Variants in FHL1 observed in about 807,000 individuals in gnomAD.
FHL1 encodes the protein four and a half LIM domains protein 1.
Under a neutral mutation model 20.3 loss-of-function variants are expected in FHL1, and 1 was observed. The observed-to-expected ratio is 0.05, with a 90% CI of 0.02 to 0.23. The LOEUF (loss-of-function observed/expected upper bound fraction) is 0.23. FHL1 is among the 10% of genes least tolerant of loss of function. The probability of loss-of-function intolerance (pLI) is 1.00; values close to 1 mark genes in which losing one functional copy is unlikely to be tolerated. For missense variants in FHL1, 177 were observed against 234.0 expected, an observed-to-expected ratio of 0.76 and a Z score of 1.59; for synonymous variants, 82 against 88.9, an observed-to-expected ratio of 0.92 and a Z score of 0.44.
intron 2 of FHL1, among the ~76,000 whole-genome samples, chrX:136,176,162 T>C (rs5929736): frequency 8.9e-6 from 1 of 112,398 alleles, no homozygotes; most frequent in Non-Finnish European, 1.9e-5. Flanking sequence ...TTTTAATGAA[T>C]GTCTAGCAGT....
At chrX:136,201,569 C>T (rs1330577107) in intron 1 of FHL1, among the ~76,000 whole-genome samples, 1 of 111,456 alleles carries the variant, frequency 9.0e-6, no homozygotes, top group Non-Finnish European at 1.9e-5. Flanking sequence ...GCATCAGTTT[C>T]AGGTGTTTCT....
At chrX:136,147,823 G>T (rs1156976275) in intron 1 of FHL1, 1 of 108,133 alleles carries the variant, frequency 9.2e-6, no homozygotes, top group East Asian at 3.0e-4. Flanking sequence ...GGGGCCAGGG[G>T]CCGTCCCGGG....
chrX:136,185,997 A>G (rs972957459), intron 2 of FHL1, among the ~76,000 whole-genome samples: 5 of 111,687 alleles, frequency 4.5e-5, no homozygotes, highest in African/African-American at 1.6e-4. Flanking sequence ...TTTTTTTTAA[A>G]TAGATAAGGA....
intron 2 of FHL1, among the ~76,000 whole-genome samples, chrX:136,191,405 A>G (rs759322806): frequency 6.3e-5 from 7 of 111,658 alleles, no homozygotes; most frequent in Non-Finnish European, 1.3e-4. Flanking sequence ...ATCAAAATAG[A>G]CAATGCTATT....
Position 136,197,139 on chromosome X carries a change from A to G in FHL1, c.22+5A>G. Reference sequence around the variant, plus strand: ...TGGCTTCCCATAGACACTCAGGTAAAACTTCATGCTCTTTATCTTATATTG... The same window carrying G: ...TGGCTTCCCATAGACACTCAGGTAAGACTTCATGCTCTTTATCTTATATTG... On this transcript the variant is annotated splice_donor_5th_base_variant and intron_variant, in intron 1 of 5. Transcript: ENST00000370683. The G allele has an allele frequency of 1.7e-6, 2 of 1,206,406 alleles. No individual in the cohort carries two copies. The highest frequency in any genetic ancestry group is 2.2e-6 in the Non-Finnish European group (2 of 891,283).
intron 1 of FHL1, among the ~76,000 whole-genome samples, chrX:136,199,226 G>A (rs1281019450): frequency 3.6e-5 from 4 of 111,422 alleles, no homozygotes; most frequent in African/African-American, 9.8e-5. Context: ...TGGACTGCAG[G>A]AAGTTCAGTG....
At chrX:136,206,002 T>G in intron 1 of FHL1, 1 of 250,079 alleles carries the variant, frequency 4.0e-6, no homozygotes, top group Non-Finnish European at 7.4e-6. Context: ...CTCCACTCCA[T>G]CGGGTCACTG....
At chrX:136,177,288 G>A (rs2073032367) in intron 2 of FHL1, among the ~76,000 whole-genome samples, 1 of 111,490 alleles carries the variant, frequency 9.0e-6, no homozygotes, top group East Asian at 2.8e-4. Flanking sequence ...TGCCATGGAA[G>A]TCCACAATAA....
chrX:136,190,202 C>T (rs1239240774), intron 2 of FHL1, among the ~76,000 whole-genome samples: 1 of 111,678 alleles, frequency 9.0e-6, no homozygotes, highest in Non-Finnish European at 1.9e-5. Context: ...CCTCTAGCTG[C>T]AGACTCTCCT....
chrX:136,147,122 CTA>C (rs2072114391), upstream of FHL1: 1 of 216,080 alleles, frequency 4.6e-6, no homozygotes. Context: ...CCGCAGGCCT[CTA>C]AGGACCGCTG....
intron 1 of FHL1, among the ~76,000 whole-genome samples, chrX:136,153,249 A>G (rs756299888): frequency 1.1e-5 from 1 of 93,296 alleles, no homozygotes; most frequent in South Asian, 6.2e-4. Context: ...CCCAATCACA[A>G]TCATTTTGTC....
intron 5 of FHL1, among the ~76,000 whole-genome samples, chrX:136,208,959 A>AGGG (rs1488927020): frequency 2.7e-4 from 1 of 3,755 alleles, no homozygotes; most frequent in African/African-American, 1.0e-3. Context: ...GGTAGAAAGA[A>AGGG]GGGGGTGGGG....
At chrX:136,150,764 G>A (rs1246173289) in intron 1 of FHL1, among the ~76,000 whole-genome samples, 1 of 112,321 alleles carries the variant, frequency 8.9e-6, no homozygotes. Flanking sequence ...CACCTTTCTG[G>A]TGAAGTTATG....
intron 5 of FHL1, chrX:136,209,363 C>T (rs1489964378): frequency 6.6e-6 from 8 of 1,208,958 alleles, no homozygotes; most frequent in African/African-American, 1.8e-5. Context: ...GGCAGGCATC[C>T]GGGTGGAGAG....
intron 2 of FHL1, among the ~76,000 whole-genome samples, chrX:136,185,452 A>G (rs2073263360): frequency 8.9e-6 from 1 of 112,386 alleles, no homozygotes. Context: ...GGTCTCATCT[A>G]TTAAGCTGCT....
chrX:136,175,308 G>T (rs2072974903), intron 2 of FHL1, among the ~76,000 whole-genome samples: 1 of 112,605 alleles, frequency 8.9e-6, no homozygotes, highest in South Asian at 3.6e-4. Flanking sequence ...ATTACAAAAA[G>T]AAAACACAAT....
chrX:136,187,143 A>T (rs761551813), intron 2 of FHL1, among the ~76,000 whole-genome samples: 34 of 85,123 alleles, frequency 4.0e-4, no homozygotes, highest in East Asian at 7.8e-4. Context: ...TTTTTTTTTT[A>T]AAAGAGGAAA....
chrX:136,195,502 C>T (rs1157138209), upstream of FHL1, among the ~76,000 whole-genome samples: 2 of 112,345 alleles, frequency 1.8e-5, no homozygotes, highest in Non-Finnish European at 1.9e-5. Context: ...ACTAGAAAGG[C>T]GTGGAGCCAG....
intron 2 of FHL1, among the ~76,000 whole-genome samples, chrX:136,174,807 T>C (rs1220839105): frequency 8.9e-6 from 1 of 111,819 alleles, no homozygotes; most frequent in Non-Finnish European, 1.9e-5. Flanking sequence ...TCAGGAATCA[T>C]GAAATGTAGG....
Sources: gnomAD v4.1 joint callset for allele counts (sites outside exome capture counted in the v4.1 genomes callset) on GRCh38, gnomAD v4.1.1 for gene constraint, MANE v1.5 for transcripts, NCBI Gene and HGNC (gene_info 2026-07-23, HGNC 2026-07-21) for gene names.